ASAP2: variants seen among roughly 807,000 people sequenced by gnomAD.
The protein encoded by ASAP2 is ArfGAP with SH3 domain, ankyrin repeat and PH domain 2.
Under a neutral mutation model 131.4 loss-of-function variants are expected in ASAP2, and 45 were observed. The observed-to-expected ratio is 0.34, with a 90% CI of 0.27 to 0.44. ASAP2 has a LOEUF of 0.44. ASAP2 is among the 20% of genes least tolerant of loss of function. ASAP2 has a pLI of 1.00. For synonymous variants in ASAP2, 510 were observed against 503.0 expected (o/e 1.01, Z -0.19); for missense variants, 1,011 against 1,297.0 (o/e 0.78, Z 3.39).
Position 9,379,019 on chromosome 2 carries a change from C to A in ASAP2, c.1908C>A (p.Cys636Ter). 1 of 1,578,202 alleles carries A rather than the reference C, an allele frequency of 6.3e-7. No homozygotes were observed. The highest frequency in any genetic ancestry group is 1.8e-5 in the Admixed American group (1 of 55,826). Residue 636 changes from cysteine (C) to a stop codon, truncating the protein, a stop_gained, in exon 19 of 28, where the codon TGC becomes TGA. Transcript: ENST00000281419. LOFTEE classifies it high-confidence loss of function. ...GCTGCCTGACCGACAATGCCGAGTG[C>A]CTCAAGTTGCTCCTGCGGGGGAAGG... ...HYCCLTDNAE[C>*]LKLLLRGKAS...
intron 1 of ASAP2, among the ~76,000 whole-genome samples, chr2:9,261,273 G>C (rs1037110153): frequency 6.6e-6 from 1 of 152,186 alleles, no homozygotes; most frequent in Non-Finnish European, 1.5e-5. Flanking sequence ...GAAGTGGGAG[G>C]GGGAGCACAG....
At chr2:9,247,829 T>A (rs908664538) in intron 1 of ASAP2, among the ~76,000 whole-genome samples, 2 of 152,240 alleles carry the variant, frequency 1.3e-5, no homozygotes, top group Non-Finnish European at 2.9e-5. Flanking sequence ...GGGTTTAAAA[T>A]CTGCTGCTAA....
At chr2:9,349,411 T>C (rs1672186540) in intron 11 of ASAP2, among the ~76,000 whole-genome samples, 1 of 152,226 alleles carries the variant, frequency 6.6e-6, no homozygotes, top group African/African-American at 2.4e-5. Context: ...ACATGTTTTG[T>C]AACCATGTTT....
At position 9,358,856 on chromosome 2, in the gene ASAP2, G is replaced by T. The variant is rs1212373540; in HGVS notation, c.1428G>T (p.Leu476=). ...TTCATTATTCCAGGATGCAGTCCCT[G>T]ACCTTAGATGTACTGGGAACATCTG... ...LGVHYSRMQS[L]TLDVLGTSEL... Residue 476 remains leucine, a synonymous_variant, in exon 15 of 28, where the codon CTG becomes CTT. Coordinates refer to ENST00000281419, the MANE Select transcript of ASAP2 (RefSeq NM_003887.3). The T allele has an allele frequency of 1.9e-6, 3 of 1,612,530 alleles. No homozygotes were observed. The highest frequency in any genetic ancestry group is 2.5e-6 in the Non-Finnish European group (3 of 1,179,576).
chr2:9,233,500 G>A lies in ASAP2; in HGVS notation c.126+26270G>A, dbSNP rs550906694. 2.0e-5 allele frequency among the ~76,000 whole-genome samples: 3 copies of A among 152,182 alleles called. No individual in the cohort carries two copies. The East Asian group carries it at 5.8e-4, about 29-fold the overall frequency. The stretch of plus-strand genomic sequence containing the variant: ...TTACAAAAGTTGTATGGTGGCTTGG[G>A]ACCAATACACTTTGCAGGAAATGCA... On this transcript the variant is annotated intron_variant, in intron 1 of 27. Transcript: ENST00000281419.
chr2:9,364,001 T>C (rs1397089550), intron 15 of ASAP2, among the ~76,000 whole-genome samples: 1 of 152,166 alleles, frequency 6.6e-6, no homozygotes, highest in African/African-American at 2.4e-5. Context: ...GCAAACCTAC[T>C]TTGGGAAAAA....
intron 16 of ASAP2, among the ~76,000 whole-genome samples, chr2:9,369,910 C>A (rs2709579): frequency 0.018 from 2,816 of 152,238 alleles, 103 homozygotes; most frequent in African/African-American, 0.064. Context: ...GATGTGATCT[C>A]GGCTCACTGC....
intron 1 of ASAP2, among the ~76,000 whole-genome samples, chr2:9,227,851 ATTGT>A (rs1287655489): frequency 6.6e-6 from 1 of 152,248 alleles, no homozygotes; most frequent in Non-Finnish European, 1.5e-5. Flanking sequence ...TCATATATGC[ATTGT>A]TTGTTGCATG....
chr2:9,387,678 A>G (rs1675387049), intron 21 of ASAP2, among the ~76,000 whole-genome samples: 1 of 152,266 alleles, frequency 6.6e-6, no homozygotes, highest in African/African-American at 2.4e-5. Context: ...TAAATAGCTT[A>G]TATTTTAAAT....
At chr2:9,226,337 C>T (rs1662766563) in intron 1 of ASAP2, among the ~76,000 whole-genome samples, 2 of 152,314 alleles carry the variant, frequency 1.3e-5, no homozygotes, top group South Asian at 4.1e-4. Context: ...TACCCTTATG[C>T]ACAGTAATTG....
At chr2:9,248,220 A>G (rs1311635393) in intron 1 of ASAP2, among the ~76,000 whole-genome samples, 1 of 152,258 alleles carries the variant, frequency 6.6e-6, no homozygotes, top group Admixed American at 6.5e-5. Context: ...GAGGCCACGC[A>G]GGCCTGTGTT....
At chr2:9,390,954 GT>G in intron 22 of ASAP2, 107 bp from the exon 23 acceptor site, 2 of 1,553,124 alleles carry the variant, frequency 1.3e-6, no homozygotes, top group Non-Finnish European at 8.8e-7. Context: ...CATACTGACC[GT>G]TTCATAAGGG....
intron 20 of ASAP2, among the ~76,000 whole-genome samples, chr2:9,383,066 A>G (rs7565731): frequency 0.16 from 24,419 of 151,454 alleles, 5,912 homozygotes; most frequent in African/African-American, 0.53. Context: ...TCATAAGAGT[A>G]TGAGAAACAG....
chr2:9,384,772 G>A (rs911623284), intron 20 of ASAP2, among the ~76,000 whole-genome samples: 1 of 152,236 alleles, frequency 6.6e-6, no homozygotes, highest in Non-Finnish European at 1.5e-5. Context: ...CCTGAAGCTC[G>A]AGAACCAGTC....
At chr2:9,304,055 C>T (rs546041877) in intron 3 of ASAP2, among the ~76,000 whole-genome samples, 4 of 152,292 alleles carry the variant, frequency 2.6e-5, no homozygotes, top group African/African-American at 9.6e-5. Flanking sequence ...CAGCCACTGG[C>T]AGCCTGCGGA....
chr2:9,239,478 G>A (rs1216827664), intron 1 of ASAP2, among the ~76,000 whole-genome samples: 2 of 152,118 alleles, frequency 1.3e-5, no homozygotes, highest in African/African-American at 2.4e-5. Context: ...GTGGTGGGGG[G>A]AGATAATAAC....
intron 2 of ASAP2, among the ~76,000 whole-genome samples, chr2:9,288,752 C>T (rs1432778597): frequency 6.6e-6 from 1 of 152,088 alleles, no homozygotes; most frequent in African/African-American, 2.4e-5. Flanking sequence ...AGCCTGTCTC[C>T]AGGCTAAAGG....
intron 3 of ASAP2, among the ~76,000 whole-genome samples, chr2:9,314,792 A>C (rs1261959411): frequency 2.0e-5 from 3 of 152,004 alleles, no homozygotes; most frequent in Non-Finnish European, 2.9e-5. Context: ...AAAGCCAGGC[A>C]TGGTTGTGGG....
intron 1 of ASAP2, among the ~76,000 whole-genome samples, chr2:9,222,915 C>T (rs1334254430): frequency 1.3e-5 from 2 of 152,170 alleles, no homozygotes; most frequent in African/African-American, 4.8e-5. Flanking sequence ...CTCTCCTCCT[C>T]ACTTTTTTCC....
Sources: allele counts gnomAD v4.1 joint callset (sites outside exome capture counted in the v4.1 genomes callset), GRCh38; gene constraint gnomAD v4.1.1; transcripts MANE v1.5; gene names NCBI Gene and HGNC (gene_info 2026-07-23, HGNC 2026-07-21).